FUT8: variants seen among roughly 807,000 people sequenced by gnomAD.
FUT8 encodes the protein fucosyltransferase 8.
A neutral mutation model predicts 71.3 loss-of-function variants in FUT8; 29 were observed. That is an observed-to-expected ratio of 0.41 (90% CI 0.30 to 0.55). FUT8 has a LOEUF of 0.55. Ranked by LOEUF, FUT8 falls within the 20% of genes least tolerant of loss-of-function variation. The pLI is 0.34. For synonymous variants in FUT8, 254 were observed against 239.3 expected, an observed-to-expected ratio of 1.06 and a Z score of -0.57; for missense variants, 544 against 702.1, an observed-to-expected ratio of 0.77 and a Z score of 2.55.
At chr14:65,504,342 T>TA (rs2066692436) in intron 2 of FUT8, among the ~76,000 whole-genome samples, 1 of 152,204 alleles carries the variant, frequency 6.6e-6, no homozygotes, top group African/African-American at 2.4e-5. Context: ...ATATATATCT[T>TA]ATTTGAATGG....
intron 1 of FUT8, among the ~76,000 whole-genome samples, chr14:65,449,952 A>G (rs1286663048): frequency 6.6e-6 from 1 of 152,198 alleles, no homozygotes; most frequent in Non-Finnish European, 1.5e-5. Flanking sequence ...TCAACACAGT[A>G]CTTTTCTCTT....
At chr14:65,657,917 A>G (rs537764134) in intron 6 of FUT8, among the ~76,000 whole-genome samples, 1 of 152,200 alleles carries the variant, frequency 6.6e-6, no homozygotes, top group Admixed American at 6.5e-5. Flanking sequence ...TATGTACCCC[A>G]TAAATATATA....
At chr14:65,452,386 A>G (rs2065840880) in intron 1 of FUT8, among the ~76,000 whole-genome samples, 1 of 152,198 alleles carries the variant, frequency 6.6e-6, no homozygotes, top group East Asian at 1.9e-4. Flanking sequence ...AGCAAAAGAC[A>G]TTGATCCCCA....
At chr14:65,444,844 G>A (rs778115815) in intron 1 of FUT8, among the ~76,000 whole-genome samples, 17 of 152,134 alleles carry the variant, frequency 1.1e-4, no homozygotes, top group Non-Finnish European at 1.6e-4. Context: ...TTGGGAGGGG[G>A]GCCCAATGGA....
At chr14:65,582,399 T>C (rs1887141500) in intron 3 of FUT8, among the ~76,000 whole-genome samples, 1 of 152,222 alleles carries the variant, frequency 6.6e-6, no homozygotes, top group Non-Finnish European at 1.5e-5. Context: ...TTACTCTTAA[T>C]ACTTTCTAAT....
rs146826940 is a variant in FUT8 at position 65,486,430 on chromosome 14, G to A, written c.-228+30712G>A. On this transcript the variant is annotated intron_variant, in intron 2 of 10. Coordinates refer to ENST00000673929, the MANE Select transcript of FUT8 (RefSeq NM_001371533.1). The stretch of plus-strand genomic sequence containing the variant: ...ACTGTAAAGCTTGGCATTACTGGAT[G>A]GGAGACAGCTATAGAATACTTAAGC... 4.1e-3 allele frequency among the ~76,000 whole-genome samples: 622 copies of A among 152,298 alleles called. 6 individuals carry two copies. Among genetic ancestry groups the A allele is most frequent in the African/African-American group, 0.014 (601 of 41,556 alleles).
intron 2 of FUT8, among the ~76,000 whole-genome samples, chr14:65,522,338 C>G (rs1466224251): frequency 6.6e-6 from 1 of 151,986 alleles, no homozygotes; most frequent in Non-Finnish European, 1.5e-5. Flanking sequence ...TCTAATTTAC[C>G]AACTCAGAGT....
At chr14:65,648,090 T>C (rs1313620463) in intron 6 of FUT8, among the ~76,000 whole-genome samples, 1 of 152,204 alleles carries the variant, frequency 6.6e-6, no homozygotes, top group Non-Finnish European at 1.5e-5. Context: ...ACTGTTTTTG[T>C]AAATAAAGTT....
chr14:65,446,813 A>C (rs977712693), intron 1 of FUT8, among the ~76,000 whole-genome samples: 30 of 149,178 alleles, frequency 2.0e-4, no homozygotes, highest in African/African-American at 6.4e-4. Context: ...TTTTGTAAAG[A>C]TAGGTTCTTT....
At chr14:65,379,088 C>T in the FUT8 span, among the ~76,000 whole-genome samples, 3 of 151,926 alleles carry the variant, frequency 2.0e-5, no homozygotes, top group Non-Finnish European at 4.4e-5. Context: ...CTCAGGTGAT[C>T]TGCCTGCCTC....
rs942411161 is a variant in FUT8 at position 65,472,559 on chromosome 14, A to G, written c.-228+16841A>G. Among the ~76,000 whole-genome samples the G allele has an allele frequency of 5.3e-5, 8 of 151,952 alleles. No individual in the cohort carries two copies. Among genetic ancestry groups the G allele is most frequent in the African/African-American group, 1.9e-4 (8 of 41,346 alleles). On this transcript the variant is annotated intron_variant, in intron 2 of 10. Transcript: ENST00000673929. The surrounding 1 kb of genome is among the most constrained non-coding windows in gnomAD (Gnocchi z 4.4). ...CAAAGGTTTATTTTTATATTCTTAT[A>G]CTGTAAAAAAAAAAACAACTTTATT...
At chr14:65,378,913 C>T in the FUT8 span, among the ~76,000 whole-genome samples, 1 of 116,802 alleles carries the variant, frequency 8.6e-6, no homozygotes, top group African/African-American at 3.3e-5. Flanking sequence ...GTGGCATGAT[C>T]TCAGCTCACT....
intron 6 of FUT8, among the ~76,000 whole-genome samples, chr14:65,650,731 A>G (rs1891362219): frequency 7.4e-6 from 1 of 135,664 alleles, no homozygotes; most frequent in Non-Finnish European, 1.6e-5. Flanking sequence ...AAAAAAAAAC[A>G]AAAAAAACCA....
At chr14:65,559,609 G>A (rs963646306) in intron 2 of FUT8, among the ~76,000 whole-genome samples, 3 of 151,332 alleles carry the variant, frequency 2.0e-5, no homozygotes, top group Non-Finnish European at 4.4e-5. Context: ...TGTTGCATAT[G>A]TTGTCTCAAA....
intron 2 of FUT8, among the ~76,000 whole-genome samples, chr14:65,542,982 A>T (rs1032666999): frequency 1.3e-5 from 2 of 152,050 alleles, no homozygotes; most frequent in Non-Finnish European, 2.9e-5. Context: ...GGGTTTCACC[A>T]TGTTGGTCAG....
intron 6 of FUT8, among the ~76,000 whole-genome samples, chr14:65,645,084 T>G (rs1891059226): frequency 6.6e-6 from 1 of 152,226 alleles, no homozygotes; most frequent in South Asian, 2.1e-4. Context: ...TGGCTGAAAT[T>G]ACGTGCCTTG....
intron 2 of FUT8, among the ~76,000 whole-genome samples, chr14:65,498,150 G>T (rs759891118): frequency 2.0e-5 from 3 of 152,028 alleles, no homozygotes; most frequent in Non-Finnish European, 2.9e-5. Flanking sequence ...CTATTCTTTT[G>T]AGTTTTATCT....
At chr14:65,422,541 A>G (rs1409396792) in intron 1 of FUT8, among the ~76,000 whole-genome samples, 2 of 152,092 alleles carry the variant, frequency 1.3e-5, no homozygotes, top group Admixed American at 1.3e-4. Context: ...TCAATTGCCC[A>G]GGCTGACATG....
At chr14:65,403,112 G>C in the FUT8 span, among the ~76,000 whole-genome samples, 1 of 152,132 alleles carries the variant, frequency 6.6e-6, no homozygotes, top group Non-Finnish European at 1.5e-5. Flanking sequence ...GTCTGCAAAG[G>C]CTTGCTTTAG....
Sources: allele counts gnomAD v4.1 joint callset (sites outside exome capture counted in the v4.1 genomes callset), GRCh38; gene constraint gnomAD v4.1.1; non-coding constraint Gnocchi (gnomAD v3.1); transcripts MANE v1.5; gene names NCBI Gene and HGNC (gene_info 2026-07-23, HGNC 2026-07-21).